PAK5: variants seen among roughly 807,000 people sequenced by gnomAD.
PAK5 encodes serine/threonine-protein kinase PAK 5.
In PAK5, 16 loss-of-function variants were observed where a neutral mutation model predicts 65.9. The observed-to-expected ratio is 0.24, with a 90% confidence interval of 0.16 to 0.37. The LOEUF (loss-of-function observed/expected upper bound fraction) is 0.37, where lower values mean the gene tolerates loss of function less well. Ranked by LOEUF, PAK5 falls within the 10% of genes least tolerant of loss-of-function variation. The pLI is 1.00. For synonymous variants in PAK5, 371 were observed against 354.9 expected (o/e 1.05, Z -0.51); for missense variants, 785 against 903.9 (o/e 0.87, Z 1.69).
At chr20:9,768,603 C>T (rs1569080446) in intron 1 of PAK5, among the ~76,000 whole-genome samples, 1 of 151,900 alleles carries the variant, frequency 6.6e-6, no homozygotes, top group Non-Finnish European at 1.5e-5. Flanking sequence ...GCCAACATGG[C>T]ATAACCCTGT....
chr20:9,823,591 G>A (rs998976838), intron 1 of PAK5, among the ~76,000 whole-genome samples: 4 of 152,060 alleles, frequency 2.6e-5, no homozygotes, highest in South Asian at 2.1e-4. Flanking sequence ...CTCTTCCTTC[G>A]TCATCCACCA....
intron 1 of PAK5, among the ~76,000 whole-genome samples, chr20:9,792,716 T>G (rs1396335328): frequency 1.3e-5 from 2 of 152,172 alleles, no homozygotes; most frequent in East Asian, 3.9e-4. Context: ...CAGAGATGAC[T>G]GATATTCCAT....
intron 3 of PAK5, among the ~76,000 whole-genome samples, chr20:9,634,326 TAGA>T (rs765826223): frequency 9.2e-5 from 14 of 152,202 alleles, no homozygotes; most frequent in Admixed American, 2.0e-4. Context: ...CTCCTCCAAA[TAGA>T]AGAAGTGGTG....
intron 1 of PAK5, among the ~76,000 whole-genome samples, chr20:9,712,177 C>T (rs2048085628): frequency 6.6e-6 from 1 of 151,716 alleles, no homozygotes; most frequent in Non-Finnish European, 1.5e-5. Context: ...ACATTAAGCA[C>T]AAAAATGTAA....
intron 1 of PAK5, among the ~76,000 whole-genome samples, chr20:9,831,203 G>C (rs538952105): frequency 6.6e-6 from 1 of 152,334 alleles, no homozygotes; most frequent in African/African-American, 2.4e-5. Context: ...AGCTGTTTTG[G>C]GGGGTGTGTG....
chr20:9,665,684 G>T (rs1449265922), intron 2 of PAK5, among the ~76,000 whole-genome samples: 3 of 151,010 alleles, frequency 2.0e-5, no homozygotes, highest in Non-Finnish European at 3.0e-5. Flanking sequence ...TTGAGATGGG[G>T]TCTCGTTATG....
intron 1 of PAK5, among the ~76,000 whole-genome samples, chr20:9,737,974 T>C (rs1420588136): frequency 4.0e-5 from 6 of 151,764 alleles, no homozygotes; most frequent in South Asian, 2.1e-4. Flanking sequence ...AACCCCATCT[T>C]TACTAAAAAT....
intron 2 of PAK5, among the ~76,000 whole-genome samples, chr20:9,676,356 T>A (rs536698471): frequency 1.3e-5 from 2 of 152,282 alleles, no homozygotes; most frequent in Non-Finnish European, 2.9e-5. Flanking sequence ...ATCTATATAT[T>A]TAATGTGAAT....
At chr20:9,587,935 A>G (rs1040325435) in intron 3 of PAK5, among the ~76,000 whole-genome samples, 12 of 152,218 alleles carry the variant, frequency 7.9e-5, no homozygotes, top group Non-Finnish European at 1.8e-4. Context: ...TGTTAAATGT[A>G]CTATATGTAT....
At chr20:9,782,937 CT>C (rs1346539782) in intron 1 of PAK5, among the ~76,000 whole-genome samples, 1 of 120,664 alleles carries the variant, frequency 8.3e-6, no homozygotes, top group Non-Finnish European at 1.8e-5. Context: ...TTTTTTTTTT[CT>C]TTTTTTTTAA....
chr20:9,711,646 C>T (rs1369572072), intron 1 of PAK5, among the ~76,000 whole-genome samples: 2 of 152,176 alleles, frequency 1.3e-5, no homozygotes, highest in African/African-American at 2.4e-5. Flanking sequence ...AGTACCTTGG[C>T]TGCTTCTGTA....
intron 1 of PAK5, among the ~76,000 whole-genome samples, chr20:9,758,086 C>T (rs914262188): frequency 6.6e-6 from 1 of 152,160 alleles, no homozygotes; most frequent in African/African-American, 2.4e-5. Flanking sequence ...ATTTGGATTG[C>T]AAGCTTTTTT....
chr20:9,620,899 T>A (rs60036717), intron 3 of PAK5, among the ~76,000 whole-genome samples: 1,945 of 150,242 alleles, frequency 0.013, 37 homozygotes, highest in African/African-American at 0.042. Flanking sequence ...CCAGAAAAAA[T>A]ATATATATAT....
chr20:9,690,509 T>C (rs1319320229), intron 2 of PAK5, among the ~76,000 whole-genome samples: 3 of 151,986 alleles, frequency 2.0e-5, no homozygotes, highest in Non-Finnish European at 4.4e-5. Flanking sequence ...AGACTGTCAA[T>C]GCAAGGTGAG....
intron 2 of PAK5, among the ~76,000 whole-genome samples, chr20:9,672,026 T>C (rs1435850840): frequency 1.3e-5 from 2 of 151,860 alleles, no homozygotes; most frequent in Admixed American, 6.6e-5. Flanking sequence ...GTGGAATTTG[T>C]TGAAGGAATG....
intron 2 of PAK5, among the ~76,000 whole-genome samples, chr20:9,706,315 G>A (rs2048006199): frequency 6.6e-6 from 1 of 152,042 alleles, no homozygotes; most frequent in African/African-American, 2.4e-5. Context: ...CCTGCAATCT[G>A]CATCATCACA....
At chr20:9,620,650 C>T (rs116581631) in intron 3 of PAK5, among the ~76,000 whole-genome samples, 1 of 152,200 alleles carries the variant, frequency 6.6e-6, no homozygotes, top group Non-Finnish European at 1.5e-5. Context: ...GACCCAAGAC[C>T]GTGAACTATG....
intron 1 of PAK5, among the ~76,000 whole-genome samples, chr20:9,809,286 A>T (rs2049269520): frequency 6.6e-6 from 1 of 151,714 alleles, no homozygotes; most frequent in Non-Finnish European, 1.5e-5. Context: ...CAAAATGAAC[A>T]ATTCAGTTAG....
At position 9,794,639 on chromosome 20, in the gene PAK5, T is replaced by G. The variant is rs374042957; in HGVS notation, c.-162+44123A>C. Among the ~76,000 whole-genome samples, 9 of 152,054 alleles carry G rather than the reference T, an allele frequency of 5.9e-5. No homozygotes were observed. In the East Asian group the frequency reaches 1.2e-3, roughly 20 times the overall value. On this transcript the variant is annotated intron_variant, in intron 1 of 9. Coordinates refer to ENST00000353224, the MANE Select transcript of PAK5 (RefSeq NM_177990.4). The stretch of plus-strand genomic sequence containing the variant: ...CATCCAACATGTGACCTTGGGAGGG[T>G]CTAAAAAGGTCACTGGAAATGAGAA...
Sources: gnomAD v4.1 joint callset for allele counts (sites outside exome capture counted in the v4.1 genomes callset) on GRCh38, gnomAD v4.1.1 for gene constraint, MANE v1.5 for transcripts, NCBI Gene and HGNC (gene_info 2026-07-23, HGNC 2026-07-21) for gene names.